Variants in EXOSC7 observed in about 807,000 individuals in gnomAD.
EXOSC7 encodes exosome complex component RRP42.
In EXOSC7, 25 loss-of-function variants were observed where a neutral mutation model predicts 34.3. The ratio of observed to expected loss-of-function variants is 0.73; its 90% CI spans 0.53 to 1.02. EXOSC7 has a LOEUF of 1.02. Ranked by LOEUF, EXOSC7 falls within the 50% of genes least tolerant of loss-of-function variation. EXOSC7 has a pLI of 0.00. For missense variants in EXOSC7, 370 were observed against 368.5 expected (o/e 1.00, Z -0.03); for synonymous variants, 130 against 143.0 (o/e 0.91, Z 0.65).
chr3:44,987,091 T>G (rs1261463094), intron 1 of EXOSC7, among the ~76,000 whole-genome samples: 1 of 143,434 alleles, frequency 7.0e-6, no homozygotes, highest in Non-Finnish European at 1.5e-5. Flanking sequence ...TAGTTAAGTG[T>G]TAAAAAAAAA....
chr3:44,992,527 G>T (rs564148357), intron 3 of EXOSC7, among the ~76,000 whole-genome samples: 1 of 152,232 alleles, frequency 6.6e-6, no homozygotes, highest in African/African-American at 2.4e-5. Context: ...CTTTGATATA[G>T]CCCTCACAGC....
intron 5 of EXOSC7, chr3:45,004,222 G>C (rs1706964812): frequency 6.6e-6 from 1 of 151,948 alleles, no homozygotes. Context: ...AGCAGTGTAT[G>C]TAAGAGTTCC....
intron 3 of EXOSC7, among the ~76,000 whole-genome samples, chr3:44,995,135 A>G (rs1300429860): frequency 6.6e-6 from 1 of 152,116 alleles, no homozygotes; most frequent in Non-Finnish European, 1.5e-5. Context: ...GGCATGTGCC[A>G]CCACGCCCAG....
chr3:44,993,332 G>A (rs1427897435), intron 3 of EXOSC7, among the ~76,000 whole-genome samples: 1 of 152,090 alleles, frequency 6.6e-6, no homozygotes, highest in African/African-American at 2.4e-5. Context: ...GGGGCTAGAT[G>A]ACTACTGGAG....
chr3:44,979,751 T>C (rs1706226643), intron 1 of EXOSC7, among the ~76,000 whole-genome samples: 1 of 152,146 alleles, frequency 6.6e-6, no homozygotes, highest in South Asian at 2.1e-4. Flanking sequence ...AGAAAGAAAC[T>C]CTAGTTCTTT....
intron 4 of EXOSC7, 33 bp downstream of exon 4, chr3:44,997,285 T>C (rs200434460): frequency 6.3e-7 from 1 of 1,576,562 alleles, no homozygotes; most frequent in East Asian, 2.3e-5. Flanking sequence ...GGCCACATTC[T>C]ACCTTTGTTG....
chr3:44,978,020 A>G (rs1706160444), intron 1 of EXOSC7, among the ~76,000 whole-genome samples: 1 of 152,232 alleles, frequency 6.6e-6, no homozygotes, highest in African/African-American at 2.4e-5. Flanking sequence ...GTTATGTGGG[A>G]AACAGCAGGG....
chr3:44,982,327 T>G (rs958836565), intron 1 of EXOSC7, among the ~76,000 whole-genome samples: 1 of 152,220 alleles, frequency 6.6e-6, no homozygotes, highest in Non-Finnish European at 1.5e-5. Flanking sequence ...TGGTCCTGGC[T>G]GTTGGGGATG....
intron 3 of EXOSC7, among the ~76,000 whole-genome samples, chr3:44,994,766 A>G (rs1034620702): frequency 1.3e-5 from 2 of 151,770 alleles, no homozygotes; most frequent in Non-Finnish European, 2.9e-5. Flanking sequence ...CTGCACAGCT[A>G]TGGCACCATC....
At chr3:44,993,447 T>C (rs756624546) in intron 3 of EXOSC7, among the ~76,000 whole-genome samples, 1 of 152,028 alleles carries the variant, frequency 6.6e-6, no homozygotes, top group Non-Finnish European at 1.5e-5. Flanking sequence ...GTAGGCTAGA[T>C]TGATTGCCAG....
chr3:44,986,401 C>T (rs62242656), intron 1 of EXOSC7, among the ~76,000 whole-genome samples: 10,938 of 152,286 alleles, frequency 0.072, 483 homozygotes, highest in Middle Eastern at 0.18. Flanking sequence ...CACACCCACC[C>T]GCTGAGCCCA....
Position 45,005,135 on chromosome 3 carries a change from C to T in EXOSC7, c.492-156C>T, listed in dbSNP as rs530344230. ...ATTGCACTGCGGCGCCTCCTGTGTG[C>T]TTTTGACAGGGATGACAGGGATGAG... On this transcript the variant is annotated intron_variant, in intron 5 of 7. Transcript: ENST00000265564. 762 of 816,890 alleles carry T rather than the reference C, an allele frequency of 9.3e-4. 1 individual carries two copies. Among genetic ancestry groups the T allele is most frequent in the Non-Finnish European group, 1.4e-3 (703 of 519,378 alleles). The allele number at this position is 816,890 out of a possible 1,614,324, so 50.6% of individuals were successfully genotyped here. A position where few individuals can be genotyped will look rare whatever the true frequency, so the allele number is the denominator to read the frequency against.
In EXOSC7 at chr3:44,976,324, A is replaced by G. The variant is rs1293456619; in HGVS notation, c.47A>G (p.His16Arg). Reference protein sequence around the residue: ...LSEAEKVYIVHGVQEDLRVDG... With the variant: ...LSEAEKVYIVRGVQEDLRVDG... Reference sequence around the variant, plus strand: ...GAGGCGGAGAAGGTGTACATCGTGCATGGCGTCCAGGTAGCTACAGCAGCG... The same window carrying G: ...GAGGCGGAGAAGGTGTACATCGTGCGTGGCGTCCAGGTAGCTACAGCAGCG... Residue 16 changes from histidine (H) to arginine (R), a missense_variant, in exon 1 of 8, where the codon CAT (histidine) becomes CGT (arginine). By Grantham distance (29) the His-to-Arg change is conservative. Transcript: ENST00000265564. The G allele has an allele frequency of 6.4e-7, 1 of 1,571,226 alleles. No homozygotes were observed. Among genetic ancestry groups the G allele is most frequent in the Non-Finnish European group, 8.6e-7 (1 of 1,164,518 alleles).
At chr3:44,995,129 T>C (rs1173599809) in intron 3 of EXOSC7, among the ~76,000 whole-genome samples, 1 of 152,138 alleles carries the variant, frequency 6.6e-6, no homozygotes, top group Non-Finnish European at 1.5e-5. Context: ...ATTACAGGCA[T>C]GTGCCACCAC....
intron 3 of EXOSC7, among the ~76,000 whole-genome samples, 172 bp downstream of exon 3, chr3:44,989,816 CT>C (rs1258909376): frequency 4.6e-5 from 7 of 152,282 alleles, no homozygotes; most frequent in Middle Eastern, 3.4e-3. Flanking sequence ...GGACTCTTGG[CT>C]TGAGTCCTGC....
chr3:44,983,502 A>G (rs1329099568), intron 1 of EXOSC7, among the ~76,000 whole-genome samples: 4 of 152,220 alleles, frequency 2.6e-5, no homozygotes, highest in African/African-American at 9.6e-5. Context: ...AGATTTAAGT[A>G]TAATTTGGAA....
At chr3:44,987,361 G>A (rs1335690879) in intron 1 of EXOSC7, among the ~76,000 whole-genome samples, 1 of 152,184 alleles carries the variant, frequency 6.6e-6, no homozygotes, top group African/African-American at 2.4e-5. Context: ...AAGTAAATAA[G>A]TAATTAAAAG....
intron 1 of EXOSC7, 109 bp downstream of exon 1, chr3:44,976,443 C>A: frequency 1.0e-6 from 1 of 962,610 alleles, no homozygotes; most frequent in Non-Finnish European, 1.5e-6. Context: ...CGGCGACTCT[C>A]CGTTTACCTT....
intron 1 of EXOSC7, among the ~76,000 whole-genome samples, chr3:44,986,623 C>G (rs367876293): frequency 5.1e-4 from 77 of 152,340 alleles, no homozygotes; most frequent in African/African-American, 1.8e-3. Flanking sequence ...CGAGAGCAAG[C>G]GAGGGCTGTG....
Sources: allele counts gnomAD v4.1 joint callset (sites outside exome capture counted in the v4.1 genomes callset), GRCh38; gene constraint gnomAD v4.1.1; transcripts MANE v1.5; gene names NCBI Gene and HGNC (gene_info 2026-07-23, HGNC 2026-07-21).